The following DCDC2 variants were observed in gnomAD, a reference collection of about 807,000 sequenced individuals.
DCDC2 encodes the protein doublecortin domain-containing protein 2.
A neutral mutation model predicts 50.2 loss-of-function variants in DCDC2; 40 were observed. The ratio of observed to expected loss-of-function variants is 0.80; its 90% CI spans 0.62 to 1.04. DCDC2 has a LOEUF of 1.04. DCDC2 is among the 50% of genes least tolerant of loss of function. DCDC2 has a pLI of 0.00. For synonymous variants in DCDC2, 234 were observed against 210.6 expected (o/e 1.11, Z -0.96); for missense variants, 570 against 581.9 (o/e 0.98, Z 0.21).
chr6:24,220,895 C>CGA lies in DCDC2; in HGVS notation c.923-15795_923-15794dup, dbSNP rs1208469095. ...AAGAGAGCGAGAGCGAGAGAGTGAG[C>CGA]GAGCGAGCGAGAGAGTGAGCGAGCG... On this transcript the variant is annotated intron_variant, in intron 7 of 9. Transcript: ENST00000378454. 2.9e-3 allele frequency among the ~76,000 whole-genome samples: 341 copies of CGA among 117,218 alleles called. 6 individuals are homozygous for CGA. Among genetic ancestry groups the CGA allele is most frequent in the Middle Eastern group, 4.6e-3 (1 of 216 alleles). The allele number at this position is 117,218 out of a possible 152,430, so 76.9% of individuals were successfully genotyped here.
intron 7 of DCDC2, among the ~76,000 whole-genome samples, chr6:24,215,489 G>A (rs1761954235): frequency 6.6e-6 from 1 of 152,154 alleles, no homozygotes; most frequent in African/African-American, 2.4e-5. Context: ...GACAGGCTGT[G>A]TGGAGGGGGA....
upstream of DCDC2, among the ~76,000 whole-genome samples, chr6:24,362,659 C>T (rs1006964777): frequency 1.3e-5 from 2 of 152,112 alleles, no homozygotes; most frequent in African/African-American, 4.8e-5. Flanking sequence ...ACACAATTCT[C>T]CTGACAGCTT....
intron 2 of DCDC2, among the ~76,000 whole-genome samples, chr6:24,342,847 G>C (rs927509760): frequency 2.6e-5 from 4 of 152,022 alleles, no homozygotes; most frequent in Non-Finnish European, 5.9e-5. Context: ...TATTAATTGG[G>C]TCTAAATAAT....
chr6:24,322,553 C>T (rs72833012), intron 2 of DCDC2, among the ~76,000 whole-genome samples: 4,456 of 146,668 alleles, frequency 0.03, 76 homozygotes, highest in South Asian at 0.046. Context: ...CCTTTTAAGT[C>T]CAGTAAGAAA....
intron 7 of DCDC2, among the ~76,000 whole-genome samples, chr6:24,256,275 T>A (rs1762896078): frequency 2.5e-5 from 1 of 39,264 alleles, no homozygotes; most frequent in South Asian, 1.3e-3. Flanking sequence ...ATGCTGGACA[T>A]TTTTTTTTTT....
chr6:24,377,969 A>G, the DCDC2 span, among the ~76,000 whole-genome samples: 1 of 152,330 alleles, frequency 6.6e-6, no homozygotes, highest in Admixed American at 6.5e-5. Context: ...GGCCTGGGTA[A>G]AAAGAGCAAA....
At chr6:24,293,192 G>T (rs569364519) in intron 4 of DCDC2, among the ~76,000 whole-genome samples, 25 of 152,274 alleles carry the variant, frequency 1.6e-4, no homozygotes, top group African/African-American at 6.0e-4. Flanking sequence ...CTCCCAAGGT[G>T]CTGGGATTAC....
intron 2 of DCDC2, among the ~76,000 whole-genome samples, chr6:24,340,984 C>T (rs1760143349): frequency 6.6e-6 from 1 of 152,194 alleles, no homozygotes; most frequent in African/African-American, 2.4e-5. Context: ...CCTTGGCCTC[C>T]CAAAGTGCTG....
At chr6:24,255,293 G>T (rs1762878689) in intron 7 of DCDC2, among the ~76,000 whole-genome samples, 1 of 151,102 alleles carries the variant, frequency 6.6e-6, no homozygotes, top group Non-Finnish European at 1.5e-5. Context: ...TTCACACCAT[G>T]CATAAAAACC....
chr6:24,262,722 T>C (rs1456909538), intron 7 of DCDC2, among the ~76,000 whole-genome samples: 1 of 152,218 alleles, frequency 6.6e-6, no homozygotes, highest in African/African-American at 2.4e-5. Context: ...ATCCAGGCCC[T>C]AGCTCCCAGA....
At chr6:24,379,392 A>G in the DCDC2 span, among the ~76,000 whole-genome samples, 7 of 152,228 alleles carry the variant, frequency 4.6e-5, no homozygotes, top group African/African-American at 1.7e-4. Flanking sequence ...ATATGAACAG[A>G]CACTTCTCAA....
intron 7 of DCDC2, among the ~76,000 whole-genome samples, chr6:24,211,620 CTGATACAG>C (rs1275576833): frequency 6.6e-6 from 1 of 152,082 alleles, no homozygotes; most frequent in African/African-American, 2.4e-5. Flanking sequence ...CAGAGTGGGA[CTGATACAG>C]TGCAAACAAG....
intron 7 of DCDC2, among the ~76,000 whole-genome samples, chr6:24,211,440 C>T (rs942933856): frequency 1.3e-5 from 2 of 152,060 alleles, no homozygotes; most frequent in African/African-American, 4.8e-5. Context: ...ACATCCTGAT[C>T]GTAAGAAACT....
At chr6:24,374,577 CAAAAAAAAAA>C in the DCDC2 span, among the ~76,000 whole-genome samples, 7 of 57,472 alleles carry the variant, frequency 1.2e-4, no homozygotes, top group African/African-American at 1.5e-4. Flanking sequence ...AGACTCCATC[CAAAAAAAAAA>C]AAAAAAAAAA....
chr6:24,343,175 G>A (rs367679797), intron 2 of DCDC2, among the ~76,000 whole-genome samples: 6 of 151,488 alleles, frequency 4.0e-5, no homozygotes, highest in East Asian at 1.9e-4. Context: ...AGCCTCCGGC[G>A]TGGCAGAGAT....
chr6:24,295,242 T>A (rs1266420851), intron 4 of DCDC2, among the ~76,000 whole-genome samples: 1 of 152,206 alleles, frequency 6.6e-6, no homozygotes, highest in Admixed American at 6.5e-5. Context: ...TCTCAATAGA[T>A]GCAGAAAAGG....
intron 7 of DCDC2, among the ~76,000 whole-genome samples, chr6:24,271,639 G>A (rs764605658): frequency 6.6e-5 from 10 of 152,164 alleles, no homozygotes; most frequent in Non-Finnish European, 1.2e-4. Flanking sequence ...TGCATCCTAC[G>A]ACAGCAGGGT....
At chr6:24,359,493 A>ATATT (rs1760617636), upstream of DCDC2, among the ~76,000 whole-genome samples, 4 of 94,470 alleles carry the variant, frequency 4.2e-5, no homozygotes, top group African/African-American at 1.3e-4. Context: ...TATATAATAT[A>ATATT]TTATATATAT....
chr6:24,265,246 T>A lies in DCDC2; in HGVS notation c.922+12803A>T, dbSNP rs75314721. Among the ~76,000 whole-genome samples the A allele has an allele frequency of 4.2e-3, 633 of 152,256 alleles. 26 individuals carry two copies. In the East Asian group the frequency reaches 0.099, roughly 24 times the overall value. On this transcript the variant is annotated intron_variant, in intron 7 of 9. Transcript: ENST00000378454. ...TGTAAGAATTGAAAATACATACTCA[T>A]CCAATACTGAAGCACCCAGATATAA... is the stretch of plus-strand genomic sequence containing the variant.
Sources: gnomAD v4.1 joint callset for allele counts (sites outside exome capture counted in the v4.1 genomes callset) on GRCh38, gnomAD v4.1.1 for gene constraint, MANE v1.5 for transcripts, NCBI Gene and HGNC (gene_info 2026-07-23, HGNC 2026-07-21) for gene names.